Variants in PDE11A observed in about 807,000 individuals in gnomAD.
PDE11A encodes dual 3',5'-cyclic-AMP and -GMP phosphodiesterase 11A.
PDE11A carries 100 observed loss-of-function variants against 100.5 expected under a neutral mutation model. The observed-to-expected ratio is 1.00, with a 90% CI of 0.85 to 1.18. The LOEUF is 1.18. PDE11A is among the 50% of genes most tolerant of loss of function. The probability of loss-of-function intolerance (pLI) is 0.00; values close to 1 mark genes in which losing one functional copy is unlikely to be tolerated. For synonymous variants in PDE11A, 381 were observed against 420.8 expected (o/e 0.91, Z 1.16); for missense variants, 1,141 against 1,152.6 (o/e 0.99, Z 0.15).
In PDE11A at chr2:177,626,260, C is replaced by T. The variant is rs1328024375; in HGVS notation, c.*3147G>A. ...CAGTGCTCACGGCAGCCTGCAGTCT[C>T]TGTCAGACCCTGGGTCCAGTTTTGT... On this transcript the variant is annotated 3_prime_UTR_variant, in exon 20 of 20. Transcript: ENST00000286063. 1.3e-5 allele frequency: 2 copies of T among 152,646 alleles called. No homozygotes were observed. Among genetic ancestry groups the T allele is most frequent in the Non-Finnish European group, 2.9e-5 (2 of 68,052 alleles). The allele number at this position is 152,646 out of a possible 1,614,324, so 9.5% of individuals were successfully genotyped here. A position where few individuals can be genotyped will look rare whatever the true frequency, so the allele number is the denominator to read the frequency against.
intron 1 of PDE11A, among the ~76,000 whole-genome samples, chr2:178,015,388 C>T (rs543205260): frequency 1.4e-4 from 22 of 152,022 alleles, no homozygotes; most frequent in African/African-American, 4.1e-4. Context: ...AGAAACCTAA[C>T]GCTGGATGCT....
chr2:177,650,265 A>C (rs543973420), intron 19 of PDE11A, among the ~76,000 whole-genome samples: 72 of 152,178 alleles, frequency 4.7e-4, no homozygotes, highest in Admixed American at 9.2e-4. Context: ...AGTTCCTCAA[A>C]TTTGCCCTCA....
chr2:177,681,406 T>A (rs761510760), intron 15 of PDE11A, among the ~76,000 whole-genome samples: 5 of 152,258 alleles, frequency 3.3e-5, no homozygotes, highest in Non-Finnish European at 7.3e-5. Context: ...CTTAAACGCA[T>A]AGGCTATGAA....
At chr2:177,896,535 C>T (rs910465101) in intron 4 of PDE11A, among the ~76,000 whole-genome samples, 3 of 152,172 alleles carry the variant, frequency 2.0e-5, no homozygotes, top group South Asian at 2.1e-4. Flanking sequence ...GTTATCCTGG[C>T]AGCCAAAGCC....
At chr2:177,800,630 A>G (rs1348286368) in intron 9 of PDE11A, among the ~76,000 whole-genome samples, 1 of 152,182 alleles carries the variant, frequency 6.6e-6, no homozygotes, top group East Asian at 1.9e-4. Flanking sequence ...AACATTTCCT[A>G]CATGCCTACT....
rs13388890 is a variant in PDE11A at position 178,104,567 on chromosome 2, G to T, written c.-13-91C>A. On this transcript the variant is annotated intron_variant, in intron 1 of 20. Transcript: ENST00000358450. ...AAAAAAGAATTCCATCATTTTGACT[G>T]AAGTGAATGCTGATGATGTTAAACA... The T allele has an allele frequency of 2.3e-3, 2,511 of 1,076,114 alleles. 33 individuals are homozygous for T. The African/African-American group carries it at 0.036, about 15-fold the overall frequency. The allele number at this position is 1,076,114 out of a possible 1,614,324, so 66.7% of individuals were successfully genotyped here. A position where few individuals can be genotyped will look rare whatever the true frequency, so the allele number is the denominator to read the frequency against.
intron 2 of PDE11A, among the ~76,000 whole-genome samples, chr2:178,002,202 G>T (rs1218017870): frequency 6.6e-6 from 1 of 152,182 alleles, no homozygotes; most frequent in Non-Finnish European, 1.5e-5. Flanking sequence ...ACTTGCTTAT[G>T]ATGATGGCCT....
intron 2 of PDE11A, among the ~76,000 whole-genome samples, chr2:177,987,285 C>A (rs1243193277): frequency 1.3e-5 from 2 of 152,188 alleles, no homozygotes; most frequent in Non-Finnish European, 2.9e-5. Context: ...TTACCTACTC[C>A]AAGAATGTCA....
At chr2:177,792,666 C>G in intron 9 of PDE11A, among the ~76,000 whole-genome samples, 1 of 152,220 alleles carries the variant, frequency 6.6e-6, no homozygotes, top group South Asian at 2.1e-4. Context: ...AGAAGTGACT[C>G]GTCACCATGG....
At chr2:177,967,292 G>A (rs528943986) in intron 2 of PDE11A, among the ~76,000 whole-genome samples, 2 of 149,518 alleles carry the variant, frequency 1.3e-5, no homozygotes, top group South Asian at 4.2e-4. Context: ...CGCCTCCTGG[G>A]TTCAAGTGAT....
At chr2:177,932,006 C>G (rs963974905) in intron 2 of PDE11A, among the ~76,000 whole-genome samples, 2 of 149,608 alleles carry the variant, frequency 1.3e-5, no homozygotes, top group Non-Finnish European at 3.0e-5. Flanking sequence ...CACAGAAATA[C>G]AAAAGATCCT....
intron 4 of PDE11A, among the ~76,000 whole-genome samples, chr2:177,891,933 T>C (rs1257585895): frequency 6.6e-6 from 1 of 152,216 alleles, no homozygotes; most frequent in Non-Finnish European, 1.5e-5. Context: ...TTCCTCTCAC[T>C]GGTTAATACA....
intron 9 of PDE11A, among the ~76,000 whole-genome samples, chr2:177,774,303 C>T (rs986118440): frequency 2.6e-5 from 4 of 152,154 alleles, no homozygotes; most frequent in African/African-American, 4.8e-5. Flanking sequence ...GGTCACTGGC[C>T]ATATCCCATT....
rs968271045 is a variant in PDE11A at position 177,886,932 on chromosome 2, G to T, written c.1303-11009C>A. Among the ~76,000 whole-genome samples, 2 of 152,142 alleles carry T rather than the reference G, an allele frequency of 1.3e-5. 1 individual carries two copies. Among genetic ancestry groups the T allele is most frequent in the South Asian group, 4.1e-4 (2 of 4,834 alleles). Reference sequence around the variant, plus strand: ...AAGTCACAAGCCTGAAGACATGTAGGCCTGCTGAACTCCAAGTCCAGAAAC... The same window carrying T: ...AAGTCACAAGCCTGAAGACATGTAGTCCTGCTGAACTCCAAGTCCAGAAAC... On this transcript the variant is annotated intron_variant, in intron 4 of 19. Coordinates refer to ENST00000286063, the MANE Select transcript of PDE11A (RefSeq NM_016953.4).
At chr2:178,020,266 A>T (rs1366153092) in intron 1 of PDE11A, among the ~76,000 whole-genome samples, 1 of 152,184 alleles carries the variant, frequency 6.6e-6, no homozygotes, top group Non-Finnish European at 1.5e-5. Context: ...CTTTGTGATA[A>T]TCTGCATCTC....
chr2:177,863,641 A>T (rs1244693043), intron 5 of PDE11A, among the ~76,000 whole-genome samples: 1 of 152,116 alleles, frequency 6.6e-6, no homozygotes, highest in Admixed American at 6.6e-5. Context: ...CCATTGTGAG[A>T]TACACCTCAT....
chr2:178,055,505 T>A (rs546042425), intron 1 of PDE11A, among the ~76,000 whole-genome samples: 7 of 151,892 alleles, frequency 4.6e-5, no homozygotes, highest in Admixed American at 3.3e-4. Context: ...AATAAAAAAA[T>A]AAAAATAAAA....
intron 4 of PDE11A, among the ~76,000 whole-genome samples, chr2:177,889,439 A>G (rs1310331267): frequency 6.6e-6 from 1 of 151,766 alleles, no homozygotes; most frequent in South Asian, 2.1e-4. Context: ...TAAATCCAAG[A>G]TTGCCTTTAT....
At chr2:177,691,558 A>G (rs548705378) in intron 15 of PDE11A, among the ~76,000 whole-genome samples, 1 of 152,354 alleles carries the variant, frequency 6.6e-6, no homozygotes, top group South Asian at 2.1e-4. Flanking sequence ...ATATAACTGC[A>G]GAGTAACTAA....
Sources: gnomAD v4.1 joint callset for allele counts (sites outside exome capture counted in the v4.1 genomes callset) on GRCh38, gnomAD v4.1.1 for gene constraint, MANE v1.5 for transcripts, NCBI Gene and HGNC (gene_info 2026-07-23, HGNC 2026-07-21) for gene names.